Variants in ABCC5 observed in about 807,000 individuals in gnomAD.
The protein encoded by ABCC5 is ATP binding cassette subfamily C member 5.
Under a neutral mutation model 160.9 loss-of-function variants are expected in ABCC5, and 61 were observed. The ratio of observed to expected loss-of-function variants is 0.38; its 90% CI spans 0.31 to 0.47. ABCC5 has a LOEUF of 0.47. Ranked by LOEUF, ABCC5 falls within the 20% of genes least tolerant of loss-of-function variation. ABCC5 has a pLI of 0.99. For missense variants in ABCC5, 1,308 were observed against 1,813.3 expected, an observed-to-expected ratio of 0.72 and a Z score of 5.06; for synonymous variants, 666 against 700.6, an observed-to-expected ratio of 0.95 and a Z score of 0.78.
At chr3:184,002,826 C>T (rs1243827184) in intron 2 of ABCC5, among the ~76,000 whole-genome samples, 10 of 152,184 alleles carry the variant, frequency 6.6e-5, no homozygotes, top group African/African-American at 2.2e-4. Context: ...TAATAAGCCT[C>T]GGGCTGAGGA....
In ABCC5 at chr3:183,978,024, AT is replaced by A. The variant is rs58151195; in HGVS notation, c.1297-401del. On this transcript the variant is annotated intron_variant, in intron 9 of 29. Coordinates refer to ENST00000334444, the MANE Select transcript of ABCC5 (RefSeq NM_005688.4). ...CGCCTCGGCCTCCCAAAGTGCTGGG[AT>A]TACAGGCGTGAGCCACCATGCCTGG... Among the ~76,000 whole-genome samples the A allele has an allele frequency of 9.9e-3, 1,503 of 152,326 alleles. 23 individuals are homozygous for A. The highest frequency in any genetic ancestry group is 0.034 in the African/African-American group (1,413 of 41,574).
Position 183,927,373 on chromosome 3 carries a change from C to A in ABCC5, c.4004G>T (p.Arg1335Leu). ...ENGDNFSVGE[R>L]QLLCIARALL... is the part of the protein sequence containing the mutation. The stretch of plus-strand genomic sequence containing the variant: ...GGCTCTAGCTATGCACAAGAGCTGC[C>A]GTTCCCCCACTGAGAAGTTATCCCC... The change falls in exon 28 of 30, where the codon CGG (arginine) becomes CTG (leucine). Residue 1335 changes from arginine to leucine, a missense_variant. This residue lies in a region of ABCC5 where 163 missense variants were observed against 269.7 expected (regional missense o/e 0.60). Transcript: ENST00000334444. 6.2e-7 allele frequency: 1 copy of A among 1,613,702 alleles called. No homozygotes were observed. The highest frequency in any genetic ancestry group is 1.7e-4 in the Middle Eastern group (1 of 6,060).
At chr3:183,926,822 A>T (rs1392480466) in intron 28 of ABCC5, among the ~76,000 whole-genome samples, 1 of 151,478 alleles carries the variant, frequency 6.6e-6, no homozygotes, top group East Asian at 2.0e-4. Flanking sequence ...CAAAGCGGGC[A>T]GATCACGAGG....
At chr3:183,961,808 C>G (rs1430479389) in intron 15 of ABCC5, among the ~76,000 whole-genome samples, 154 bp from the exon 16 acceptor site, 1 of 152,104 alleles carries the variant, frequency 6.6e-6, no homozygotes, top group East Asian at 1.9e-4. Context: ...GAGGCAGAGT[C>G]TTGCTCTGTC....
chr3:183,955,645 T>TAA (rs1283326243), intron 17 of ABCC5, among the ~76,000 whole-genome samples: 51 of 151,914 alleles, frequency 3.4e-4, no homozygotes, highest in East Asian at 5.8e-4. Flanking sequence ...GATCCGTGTG[T>TAA]ATATCACATC....
intron 24 of ABCC5, among the ~76,000 whole-genome samples, chr3:183,944,103 A>C (rs1714615825): frequency 6.6e-6 from 1 of 152,192 alleles, no homozygotes; most frequent in East Asian, 1.9e-4. Flanking sequence ...TGAAAGAGTA[A>C]TTTTTCAGGC....
intron 5 of ABCC5, chr3:183,986,144 C>T (rs1719199539): frequency 1.3e-5 from 2 of 152,218 alleles, no homozygotes; most frequent in Non-Finnish European, 2.9e-5. Context: ...AATCTCAAAA[C>T]CAGCCTGGTT....
At chr3:184,001,794 C>T (rs1288288803) in intron 2 of ABCC5, among the ~76,000 whole-genome samples, 2 of 152,136 alleles carry the variant, frequency 1.3e-5, no homozygotes, top group Admixed American at 6.6e-5. Context: ...ATCCCTTTTA[C>T]AAGTAACTTT....
At chr3:183,971,943 GCAAAGATGAGA>G in intron 10 of ABCC5, 24 bp from the exon 11 acceptor site, 1 of 1,612,438 alleles carries the variant, frequency 6.2e-7, no homozygotes, top group Non-Finnish European at 8.5e-7. Flanking sequence ...TGAGAGAGGT[GCAAAGATGAGA>G]CACTGGATCA....
chr3:183,930,795 G>A (rs1470158290), intron 26 of ABCC5, among the ~76,000 whole-genome samples: 4 of 152,150 alleles, frequency 2.6e-5, no homozygotes, highest in Admixed American at 2.0e-4. Context: ...TCCAGCCCCC[G>A]GAACTGTGAG....
chr3:183,943,727 G>T (rs746247898), intron 24 of ABCC5, among the ~76,000 whole-genome samples: 28 of 152,148 alleles, frequency 1.8e-4, no homozygotes, highest in Non-Finnish European at 3.4e-4. Context: ...ACAGTCAGTG[G>T]GAGGGCAGGC....
chr3:183,969,731 C>T (rs928555631), intron 11 of ABCC5, among the ~76,000 whole-genome samples: 6 of 151,396 alleles, frequency 4.0e-5, no homozygotes, highest in Non-Finnish European at 7.4e-5. Flanking sequence ...AAGTAAAAAC[C>T]TGACTTGCAT....
chr3:183,927,256 AC>A (rs992118131), intron 28 of ABCC5, 73 bp downstream of exon 28: 126 of 1,447,236 alleles, frequency 8.7e-5, no homozygotes, highest in Non-Finnish European at 1.1e-4. Flanking sequence ...ATACCTTTGG[AC>A]CCCAGTGTGT....
At chr3:183,977,414 C>CTTAAAA in intron 10 of ABCC5, 103 bp downstream of exon 10, 1 of 763,488 alleles carries the variant, frequency 1.3e-6, no homozygotes, top group East Asian at 2.8e-5. Flanking sequence ...CAAAGCCAAG[C>CTTAAAA]TTAAGCCCAG....
chr3:183,989,744 AT>A (rs1158421615), intron 2 of ABCC5, among the ~76,000 whole-genome samples: 2 of 152,084 alleles, frequency 1.3e-5, no homozygotes, highest in Non-Finnish European at 1.5e-5. Flanking sequence ...GTTACAATTG[AT>A]GAGCCAATAC....
At chr3:183,937,117 C>T (rs928359021) in intron 26 of ABCC5, among the ~76,000 whole-genome samples, 5 of 152,164 alleles carry the variant, frequency 3.3e-5, no homozygotes, top group African/African-American at 1.2e-4. Context: ...TGGCTCGCGC[C>T]TGTAATCCCA....
intron 25 of ABCC5, among the ~76,000 whole-genome samples, chr3:183,941,361 T>C (rs1419773226): frequency 6.6e-6 from 1 of 151,668 alleles, no homozygotes; most frequent in Non-Finnish European, 1.5e-5. Context: ...TTGGGGAGAG[T>C]CACCCTGCTT....
rs376229755 is a variant in ABCC5, at chr3:184,007,016, CTT to C, written c.129+7246_129+7247del. On this transcript the variant is annotated intron_variant, in intron 2 of 29. Transcript: ENST00000334444. ...GTACATGAACTTTAGTTTACTTCTG[CTT>C]TTTTTTTTTTTTTTTTTTTTTTGAG... 8.2e-3 allele frequency among the ~76,000 whole-genome samples: 661 copies of C among 81,098 alleles called. 2 individuals are homozygous for C. Among genetic ancestry groups the C allele is most frequent in the Middle Eastern group, 0.033 (3 of 92 alleles). 53.2% of individuals were successfully genotyped at this position (81,098 alleles called of 152,430 possible).
At chr3:183,958,295 A>G (rs1040991735) in intron 17 of ABCC5, among the ~76,000 whole-genome samples, 2 of 152,214 alleles carry the variant, frequency 1.3e-5, no homozygotes, top group African/African-American at 4.8e-5. Flanking sequence ...GGTACTAAGC[A>G]TAGTACCCGG....
Sources: allele counts gnomAD v4.1 joint callset (sites outside exome capture counted in the v4.1 genomes callset), GRCh38; gene constraint gnomAD v4.1.1; regional missense constraint gnomAD v4.1.1; transcripts MANE v1.5; gene names NCBI Gene and HGNC (gene_info 2026-07-23, HGNC 2026-07-21).